The following GULP1 variants were observed in gnomAD, a reference collection of about 807,000 sequenced individuals.
GULP1 encodes GULP PTB domain containing engulfment adaptor 1, also known as PTB domain-containing engulfment adapter protein 1.
Under a neutral mutation model 40.9 loss-of-function variants are expected in GULP1, and 19 were observed. That is an observed-to-expected ratio of 0.46 (90% CI 0.32 to 0.68). GULP1 has a LOEUF of 0.68. Among genes scored for constraint, GULP1 ranks in the 30% least tolerant of loss-of-function variants. The pLI is 0.03. For synonymous variants in GULP1, 119 were observed against 117.6 expected (o/e 1.01, Z -0.08); for missense variants, 312 against 362.2 (o/e 0.86, Z 1.12).
At chr2:188,302,617 A>C (rs2036331048) in intron 1 of GULP1, among the ~76,000 whole-genome samples, 1 of 152,180 alleles carries the variant, frequency 6.6e-6, no homozygotes, top group African/African-American at 2.4e-5. Flanking sequence ...ACATACAGTA[A>C]ACTTTTAAGT....
chr2:188,298,121 A>G (rs547619711), intron 1 of GULP1, among the ~76,000 whole-genome samples: 5 of 152,120 alleles, frequency 3.3e-5, no homozygotes, highest in Admixed American at 6.5e-5. Context: ...AATTTATTTT[A>G]TTTTTGTCTG....
At chr2:188,492,844 A>G (rs974810964) in intron 4 of GULP1, among the ~76,000 whole-genome samples, 21 of 152,038 alleles carry the variant, frequency 1.4e-4, no homozygotes, top group Admixed American at 1.3e-3. Flanking sequence ...AGTGTTTGGC[A>G]TCATCGTGTT....
chr2:188,569,527 T>C lies in GULP1; in HGVS notation c.516+172T>C. 6 of 580,966 alleles carry C rather than the reference T, an allele frequency of 1.0e-5. No individual in the cohort carries two copies. The South Asian group carries it at 1.1e-4, about 11-fold the overall frequency. The allele number at this position is 580,966 out of a possible 1,614,324, so 36.0% of individuals were successfully genotyped here. A position where few individuals can be genotyped will look rare whatever the true frequency, so the allele number is the denominator to read the frequency against. ...TCGTTCCTGATCCCCTGCACAGTTT[T>C]TTTTTTTTAACTATTTTATATTGAA... is the stretch of plus-strand genomic sequence containing the variant. On this transcript the variant is annotated intron_variant, in intron 8 of 11. Transcript: ENST00000409830.
At chr2:188,525,325 G>T (rs1685888662) in intron 5 of GULP1, among the ~76,000 whole-genome samples, 1 of 151,880 alleles carries the variant, frequency 6.6e-6, no homozygotes, top group South Asian at 2.1e-4. Context: ...TGGGAAGCAG[G>T]GGTTGCAGTG....
intron 1 of GULP1, among the ~76,000 whole-genome samples, chr2:188,314,457 A>G (rs1407725320): frequency 6.6e-6 from 1 of 151,888 alleles, no homozygotes; most frequent in East Asian, 1.9e-4. Context: ...TTTCTTGCAT[A>G]CTCAACAACC....
At chr2:188,500,447 C>T (rs2063329511) in intron 4 of GULP1, among the ~76,000 whole-genome samples, 3 of 151,876 alleles carry the variant, frequency 2.0e-5, no homozygotes, top group African/African-American at 7.2e-5. Context: ...TGCACACCAG[C>T]TGTGGCAGTG....
intron 7 of GULP1, among the ~76,000 whole-genome samples, chr2:188,560,713 A>G (rs1696024963): frequency 1.3e-5 from 2 of 152,192 alleles, no homozygotes; most frequent in South Asian, 4.1e-4. Context: ...GCTGGCCTCT[A>G]CACTGCTTCT....
At chr2:188,377,755 A>C (rs2048476706) in intron 1 of GULP1, among the ~76,000 whole-genome samples, 1 of 152,210 alleles carries the variant, frequency 6.6e-6, no homozygotes, top group Non-Finnish European at 1.5e-5. Context: ...AACTGGGCAA[A>C]AGCTAATGCT....
At chr2:188,320,586 A>G (rs999015456) in intron 1 of GULP1, among the ~76,000 whole-genome samples, 2 of 152,172 alleles carry the variant, frequency 1.3e-5, no homozygotes, top group Non-Finnish European at 2.9e-5. Flanking sequence ...GGCTATAGCA[A>G]TGCAATGCAA....
chr2:188,356,321 A>G (rs550103839), intron 1 of GULP1, among the ~76,000 whole-genome samples: 1 of 152,240 alleles, frequency 6.6e-6, no homozygotes, highest in South Asian at 2.1e-4. Flanking sequence ...CTTAGAATTG[A>G]TCAACAAATT....
At chr2:188,462,227 A>C (rs1002995030) in intron 2 of GULP1, among the ~76,000 whole-genome samples, 2 of 151,998 alleles carry the variant, frequency 1.3e-5, no homozygotes, top group Admixed American at 1.3e-4. Context: ...TTATGTCTTT[A>C]TATAGTTTCC....
At chr2:188,574,822 T>C (rs946659236) in intron 9 of GULP1, among the ~76,000 whole-genome samples, 1 of 152,166 alleles carries the variant, frequency 6.6e-6, no homozygotes, top group African/African-American at 2.4e-5. Context: ...TTGATGTTGA[T>C]ATCCTTATTC....
At chr2:188,584,225 T>A in intron 9 of GULP1, 40 bp from the exon 10 acceptor site, 1 of 1,367,040 alleles carries the variant, frequency 7.3e-7, no homozygotes, top group Non-Finnish European at 1.0e-6. Flanking sequence ...ACAATGTGTC[T>A]ATATGAAATA....
At chr2:188,537,064 A>C (rs1689127012) in intron 6 of GULP1, among the ~76,000 whole-genome samples, 1 of 151,860 alleles carries the variant, frequency 6.6e-6, no homozygotes, top group Admixed American at 6.6e-5. Context: ...GTTGTTTACT[A>C]TCAGTTGCAG....
intron 1 of GULP1, among the ~76,000 whole-genome samples, chr2:188,329,613 A>G (rs1364296238): frequency 6.6e-6 from 1 of 152,150 alleles, no homozygotes; most frequent in Non-Finnish European, 1.5e-5. Context: ...TTTATAGGGC[A>G]TATACTCAGA....
intron 2 of GULP1, among the ~76,000 whole-genome samples, chr2:188,432,429 TTATC>T (rs1487143485): frequency 1.3e-5 from 2 of 151,872 alleles, no homozygotes; most frequent in African/African-American, 4.8e-5. Flanking sequence ...TATCGGGTAT[TTATC>T]TAAGTAAGAA....
chr2:188,541,649 G>A, intron 7 of GULP1: 1 of 486,420 alleles, frequency 2.1e-6, no homozygotes, highest in Non-Finnish European at 3.6e-6. Context: ...TTAGTATTAT[G>A]CACATAATAC....
chr2:188,481,992 A>C (rs1432002255), intron 3 of GULP1, among the ~76,000 whole-genome samples: 1 of 151,886 alleles, frequency 6.6e-6, no homozygotes, highest in African/African-American at 2.4e-5. Flanking sequence ...ATCCTTATAG[A>C]AAATACAAAT....
chr2:188,342,832 A>G (rs1379655101), intron 1 of GULP1, among the ~76,000 whole-genome samples: 1 of 152,176 alleles, frequency 6.6e-6, no homozygotes, highest in African/African-American at 2.4e-5. Flanking sequence ...CAGGATATAT[A>G]CTATTACAGA....
Sources: gnomAD v4.1 joint callset for allele counts (sites outside exome capture counted in the v4.1 genomes callset) on GRCh38, gnomAD v4.1.1 for gene constraint, MANE v1.5 for transcripts, NCBI Gene and HGNC (gene_info 2026-07-23, HGNC 2026-07-21) for gene names.